The following NSUN7 variants were observed in gnomAD, a reference collection of about 807,000 sequenced individuals.
NSUN7 encodes the protein NOP2/Sun RNA methyltransferase family member 7, also known as protein NSUN7.
In NSUN7, 39 loss-of-function variants were observed where a neutral mutation model predicts 58.5. The ratio of observed to expected loss-of-function variants is 0.67; its 90% CI spans 0.52 to 0.87. The LOEUF (loss-of-function observed/expected upper bound fraction) is 0.87, where lower values mean the gene tolerates loss of function less well. Among genes scored for constraint, NSUN7 ranks in the 40% least tolerant of loss-of-function variants. The probability of loss-of-function intolerance (pLI) is 0.00; values close to 1 mark genes in which losing one functional copy is unlikely to be tolerated. For missense variants in NSUN7, 765 were observed against 844.1 expected (o/e 0.91, Z 1.16); for synonymous variants, 278 against 303.7 (o/e 0.92, Z 0.88).
At chr4:40,774,999 C>A in intron 6 of NSUN7, 49 bp downstream of exon 6, 4 of 764,168 alleles carry the variant, frequency 5.2e-6, no homozygotes, top group Non-Finnish European at 6.3e-6. Context: ...CCAACCTAGC[C>A]AAAGAACTTC....
At chr4:40,753,504 C>A (rs1226345660) in intron 2 of NSUN7, among the ~76,000 whole-genome samples, 1 of 152,084 alleles carries the variant, frequency 6.6e-6, no homozygotes, top group Non-Finnish European at 1.5e-5. Context: ...AACTCCTGAC[C>A]TCGTGATCCA....
intron 10 of NSUN7, among the ~76,000 whole-genome samples, chr4:40,806,465 A>G (rs1243258171): frequency 6.6e-6 from 1 of 152,232 alleles, no homozygotes; most frequent in African/African-American, 2.4e-5. Context: ...TATTAAACAT[A>G]AAAACTGAAA....
chr4:40,794,306 A>G, intron 8 of NSUN7, 69 bp from the exon 9 acceptor site: 1 of 732,108 alleles, frequency 1.4e-6, no homozygotes, highest in South Asian at 2.1e-5. Flanking sequence ...GAAAAATTAT[A>G]TGATGATAAC....
At chr4:40,793,781 G>A (rs559356416) in intron 8 of NSUN7, among the ~76,000 whole-genome samples, 1 of 152,090 alleles carries the variant, frequency 6.6e-6, no homozygotes, top group Non-Finnish European at 1.5e-5. Context: ...TCAAGAGGTC[G>A]TTAAAATAAT....
At chr4:40,755,568 T>G (rs765970474) in intron 2 of NSUN7, among the ~76,000 whole-genome samples, 2 of 152,206 alleles carry the variant, frequency 1.3e-5, no homozygotes, top group Non-Finnish European at 2.9e-5. Context: ...CAGGAACTGA[T>G]TGTAGCATTA....
intron 4 of NSUN7, among the ~76,000 whole-genome samples, chr4:40,766,520 C>G (rs1201988256): frequency 2.0e-5 from 3 of 152,194 alleles, no homozygotes; most frequent in South Asian, 4.1e-4. Context: ...CAATGTTCAT[C>G]AAGGATATTG....
At chr4:40,771,534 A>G (rs1248443404) in intron 4 of NSUN7, among the ~76,000 whole-genome samples, 1 of 152,038 alleles carries the variant, frequency 6.6e-6, no homozygotes, top group East Asian at 1.9e-4. Flanking sequence ...ATGGCATACC[A>G]TAGGAGTGGC....
At chr4:40,791,867 C>G (rs1252181319) in intron 8 of NSUN7, among the ~76,000 whole-genome samples, 1 of 152,130 alleles carries the variant, frequency 6.6e-6, no homozygotes, top group African/African-American at 2.4e-5. Flanking sequence ...TAGTGTTCTT[C>G]TAATTGTAGA....
intron 10 of NSUN7, among the ~76,000 whole-genome samples, chr4:40,800,040 C>T (rs1285036782): frequency 6.6e-6 from 1 of 152,026 alleles, no homozygotes; most frequent in East Asian, 1.9e-4. Context: ...TAGATTTTTC[C>T]ACCACCATAG....
At chr4:40,786,710 A>G in intron 7 of NSUN7, 2 of 1,566,702 alleles carry the variant, frequency 1.3e-6, no homozygotes, top group Non-Finnish European at 1.7e-6. Flanking sequence ...AAAAAGAAAG[A>G]TGAATATCAA....
At chr4:40,800,945 G>T (rs1435439087) in intron 10 of NSUN7, among the ~76,000 whole-genome samples, 1 of 151,186 alleles carries the variant, frequency 6.6e-6, no homozygotes, top group Non-Finnish European at 1.5e-5. Flanking sequence ...ATATTCTTTT[G>T]TGATTTTCTT....
At chr4:40,806,957 G>T in intron 10 of NSUN7, 104 bp from the exon 11 acceptor site, 1 of 1,186,282 alleles carries the variant, frequency 8.4e-7, no homozygotes, top group South Asian at 1.5e-5. Flanking sequence ...CTGTTTAAAC[G>T]ATTGGTAAAG....
intron 2 of NSUN7, among the ~76,000 whole-genome samples, chr4:40,759,175 G>C (rs1199689353): frequency 1.3e-5 from 2 of 152,124 alleles, no homozygotes; most frequent in Non-Finnish European, 2.9e-5. Flanking sequence ...TTGTGATGCT[G>C]TGATGCACAC....
intron 2 of NSUN7, among the ~76,000 whole-genome samples, chr4:40,756,322 G>T (rs1288102951): frequency 6.6e-6 from 1 of 152,196 alleles, no homozygotes; most frequent in Non-Finnish European, 1.5e-5. Context: ...GAGAGTTAAG[G>T]TGTTTCTCTA....
chr4:40,793,467 TAACAAAA>T (rs939821027), intron 8 of NSUN7, among the ~76,000 whole-genome samples: 57 of 151,770 alleles, frequency 3.8e-4, no homozygotes, highest in African/African-American at 1.2e-3. Context: ...ACAACAACAA[TAACAAAA>T]AACAAAAAAC....
intron 7 of NSUN7, among the ~76,000 whole-genome samples, chr4:40,780,743 A>G (rs190490294): frequency 6.2e-4 from 92 of 148,842 alleles, no homozygotes; most frequent in Non-Finnish European, 1.1e-3. Context: ...AATATTATGT[A>G]AACATTGAAA....
At chr4:40,798,392 A>C (rs1743414955) in intron 9 of NSUN7, among the ~76,000 whole-genome samples, 1 of 152,360 alleles carries the variant, frequency 6.6e-6, no homozygotes, top group South Asian at 2.1e-4. Flanking sequence ...TTCATACAGC[A>C]GTAAGTGACA....
chr4:40,798,652 C>T lies in NSUN7; in HGVS notation c.1283-135C>T, dbSNP rs954635093. Reference sequence around the variant, plus strand: ...ACAAGCTTTTACTTTAAAGGGGAGCCATTCAAGCATCTGGGGAAATTATTC... The same window carrying T: ...ACAAGCTTTTACTTTAAAGGGGAGCTATTCAAGCATCTGGGGAAATTATTC... On this transcript the variant is annotated intron_variant, in intron 9 of 11. Coordinates refer to ENST00000381782, the MANE Select transcript of NSUN7 (RefSeq NM_024677.6). 10 of 462,006 alleles carry T rather than the reference C, an allele frequency of 2.2e-5. 1 individual carries two copies. The Middle Eastern group carries it at 9.5e-4, about 44-fold the overall frequency. 28.6% of individuals were successfully genotyped at this position (462,006 alleles called of 1,614,324 possible).
chr4:40,802,108 A>G (rs1256641247), intron 10 of NSUN7, among the ~76,000 whole-genome samples: 1 of 151,870 alleles, frequency 6.6e-6, no homozygotes, highest in East Asian at 1.9e-4. Context: ...TCTGCTGTTT[A>G]TTTTGGTAAG....
Sources: gnomAD v4.1 joint callset for allele counts (sites outside exome capture counted in the v4.1 genomes callset) on GRCh38, gnomAD v4.1.1 for gene constraint, MANE v1.5 for transcripts, NCBI Gene and HGNC (gene_info 2026-07-23, HGNC 2026-07-21) for gene names.